Variants in GMPR observed in about 807,000 individuals in gnomAD.
GMPR encodes guanosine monophosphate reductase.
A neutral mutation model predicts 38.4 loss-of-function variants in GMPR; 31 were observed. The observed-to-expected ratio is 0.81, with a 90% confidence interval of 0.61 to 1.09. The LOEUF is 1.09. Among genes scored for constraint, GMPR ranks in the 50% least tolerant of loss-of-function variants. GMPR has a pLI of 0.00. For missense variants in GMPR, 468 were observed against 453.7 expected (o/e 1.03, Z -0.29); for synonymous variants, 162 against 173.3 (o/e 0.93, Z 0.51).
At chr6:16,285,397 C>T (rs1021269937) in intron 6 of GMPR, among the ~76,000 whole-genome samples, 3 of 152,194 alleles carry the variant, frequency 2.0e-5, no homozygotes, top group Admixed American at 1.3e-4. Flanking sequence ...AAAGGTGACT[C>T]CTGAGTGAGA....
At chr6:16,265,679 G>T (rs878927152) in intron 4 of GMPR, among the ~76,000 whole-genome samples, 3 of 146,270 alleles carry the variant, frequency 2.1e-5, no homozygotes, top group African/African-American at 7.3e-5. Flanking sequence ...CTAGCTAAAC[G>T]CACCAATCAG....
chr6:16,282,857 GGA>G (rs775203371), intron 6 of GMPR, among the ~76,000 whole-genome samples: 55 of 147,590 alleles, frequency 3.7e-4, no homozygotes, highest in Admixed American at 8.2e-4. Context: ...CACCCATGCT[GGA>G]GTGCAGTGGC....
At chr6:16,251,902 C>G (rs1475439020) in intron 3 of GMPR, among the ~76,000 whole-genome samples, 1 of 152,280 alleles carries the variant, frequency 6.6e-6, no homozygotes, top group South Asian at 2.1e-4. Context: ...CCTGCACTTG[C>G]TCCTGCCACA....
At chr6:16,248,616 G>C (rs1187426594) in intron 2 of GMPR, among the ~76,000 whole-genome samples, 1 of 152,142 alleles carries the variant, frequency 6.6e-6, no homozygotes. Context: ...TGGAGTAGGG[G>C]TGGTCTGTCG....
chr6:16,258,696 A>T (rs1759024776), intron 4 of GMPR, among the ~76,000 whole-genome samples: 1 of 152,180 alleles, frequency 6.6e-6, no homozygotes, highest in African/African-American at 2.4e-5. Context: ...GACCCTTGAA[A>T]TCTGTGATTC....
At chr6:16,250,453 C>A in intron 3 of GMPR, 86 bp downstream of exon 3, 1 of 812,620 alleles carries the variant, frequency 1.2e-6, no homozygotes, top group Non-Finnish European at 2.2e-6. Flanking sequence ...CAGTCAGTAG[C>A]AGAGAGACAT....
At chr6:16,239,682 G>A (rs1758609042) in intron 1 of GMPR, among the ~76,000 whole-genome samples, 1 of 152,208 alleles carries the variant, frequency 6.6e-6, no homozygotes, top group South Asian at 2.1e-4. Context: ...GCACAGCTCC[G>A]TCCACTCAGC....
chr6:16,267,061 C>A (rs894012502), intron 4 of GMPR, among the ~76,000 whole-genome samples: 1 of 151,434 alleles, frequency 6.6e-6, no homozygotes, highest in East Asian at 2.0e-4. Context: ...TCGGACGTGC[C>A]ACCTTTAAGA....
At chr6:16,272,417 A>G (rs1759403036) in intron 4 of GMPR, among the ~76,000 whole-genome samples, 1 of 152,244 alleles carries the variant, frequency 6.6e-6, no homozygotes, top group Non-Finnish European at 1.5e-5. Flanking sequence ...AAGGAAGTGC[A>G]TATTTCTTTT....
chr6:16,290,280 C>G (rs1385760884), intron 7 of GMPR, 182 bp from the exon 8 acceptor site: 1 of 661,468 alleles, frequency 1.5e-6, no homozygotes, highest in East Asian at 2.5e-5. Flanking sequence ...GGCCCTTTCT[C>G]CCTGCATGGA....
In GMPR at chr6:16,246,625, G is replaced by T. The variant is rs1758760398; in HGVS notation, c.88-217G>T. Among the ~76,000 whole-genome samples, 6 of 152,162 alleles carry T rather than the reference G, an allele frequency of 3.9e-5. No individual in the cohort carries two copies. The South Asian group carries it at 1.2e-3, about 32-fold the overall frequency. On this transcript the variant is annotated intron_variant, in intron 1 of 8. Transcript: ENST00000259727. ...AGAAGGAGGCAGTGGGGTTGGAGAG[G>T]CTGGGAAAGTAGGAGAGAGCTTCCG...
chr6:16,278,835 G>C lies in GMPR; in HGVS notation c.599G>C (p.Ser200Thr). The C allele has an allele frequency of 6.2e-7, 1 of 1,614,166 alleles. No homozygotes were observed. The highest frequency in any genetic ancestry group is 1.7e-5 in the Admixed American group (1 of 60,022). The change falls in exon 6 of 9, where the codon AGT (serine) becomes ACT (threonine). Residue 200 changes from serine to threonine, a missense_variant. Transcript: ENST00000259727. ...TKTGVGYPQL[S>T]AVIECADSAH... Reference sequence around the variant, plus strand: ...ACGGGAGTGGGGTACCCCCAGCTGAGTGCCGTCATTGAGTGTGCCGACTCT... The same window carrying C: ...ACGGGAGTGGGGTACCCCCAGCTGACTGCCGTCATTGAGTGTGCCGACTCT...
chr6:16,247,622 G>A (rs1226896204), intron 2 of GMPR, among the ~76,000 whole-genome samples: 1 of 152,186 alleles, frequency 6.6e-6, no homozygotes, highest in African/African-American at 2.4e-5. Context: ...TGATCCGCCT[G>A]CCTTGGCCTA....
intron 4 of GMPR, among the ~76,000 whole-genome samples, chr6:16,264,129 A>C (rs1242975019): frequency 1.3e-5 from 2 of 151,960 alleles, no homozygotes; most frequent in Non-Finnish European, 2.9e-5. Context: ...TGCAATGATT[A>C]AACACCAAGG....
Position 16,278,779 on chromosome 6 carries a change from T to C in GMPR, c.548-5T>C. On this transcript the variant is annotated splice_region_variant and splice_polypyrimidine_tract_variant and intron_variant, in intron 5 of 8. Transcript: ENST00000259727. Reference sequence around the variant, plus strand: ...TATTTGGGGACAACTTCTTTCTCTGTGCAGGTTCTGTGTGCACCACCCGCA... The same window carrying C: ...TATTTGGGGACAACTTCTTTCTCTGCGCAGGTTCTGTGTGCACCACCCGCA... 6.2e-7 allele frequency: 1 copy of C among 1,603,130 alleles called. No individual in the cohort carries two copies. The highest frequency in any genetic ancestry group is 8.5e-7 in the Non-Finnish European group (1 of 1,169,836).
intron 4 of GMPR, among the ~76,000 whole-genome samples, chr6:16,269,133 T>A (rs562140822): frequency 6.6e-6 from 1 of 152,212 alleles, no homozygotes; most frequent in South Asian, 2.1e-4. Context: ...GAAAGTACTT[T>A]TAAATGGAGG....
At chr6:16,268,228 C>T (rs1351994587) in intron 4 of GMPR, among the ~76,000 whole-genome samples, 2 of 152,252 alleles carry the variant, frequency 1.3e-5, no homozygotes, top group African/African-American at 2.4e-5. Flanking sequence ...TTTAACATGG[C>T]TGTTGCCTGG....
chr6:16,269,882 T>G (rs1036766635), intron 4 of GMPR, among the ~76,000 whole-genome samples: 1 of 152,202 alleles, frequency 6.6e-6, no homozygotes, highest in Non-Finnish European at 1.5e-5. Flanking sequence ...GCAGATTCGG[T>G]ATCTGGTGAG....
chr6:16,239,644 A>G (rs958127133), intron 1 of GMPR, among the ~76,000 whole-genome samples: 1 of 152,248 alleles, frequency 6.6e-6, no homozygotes, highest in Non-Finnish European at 1.5e-5. Flanking sequence ...GGGCTGAAGG[A>G]GTAAACACGA....
Sources: allele counts gnomAD v4.1 joint callset (sites outside exome capture counted in the v4.1 genomes callset), GRCh38; gene constraint gnomAD v4.1.1; transcripts MANE v1.5; gene names NCBI Gene and HGNC (gene_info 2026-07-23, HGNC 2026-07-21).